FAAH2: variants seen among roughly 807,000 people sequenced by gnomAD.
FAAH2 encodes fatty-acid amide hydrolase 2.
A neutral mutation model predicts 36.9 loss-of-function variants in FAAH2; 60 were observed. The ratio of observed to expected loss-of-function variants is 1.63; its 90% CI spans 1.32 to 2.02. The LOEUF (loss-of-function observed/expected upper bound fraction) is 2.02. Among genes scored for constraint, FAAH2 ranks in the 30% most tolerant of loss-of-function variants. The probability of loss-of-function intolerance (pLI) is 0.00; values close to 1 mark genes in which losing one functional copy is unlikely to be tolerated. For synonymous variants in FAAH2, 214 were observed against 143.8 expected, an observed-to-expected ratio of 1.49 and a Z score of -3.49; for missense variants, 689 against 397.5, an observed-to-expected ratio of 1.73 and a Z score of -6.23.
At chrX:57,468,933 G>C (rs1282511423) in intron 10 of FAAH2, among the ~76,000 whole-genome samples, 3 of 111,826 alleles carry the variant, frequency 2.7e-5, no homozygotes, top group Middle Eastern at 4.7e-3. Context: ...AAGAGAGTGG[G>C]GGCCAATTTT....
intron 7 of FAAH2, among the ~76,000 whole-genome samples, chrX:57,421,952 A>T (rs1209890584): frequency 8.9e-6 from 1 of 112,059 alleles, no homozygotes; most frequent in Non-Finnish European, 1.9e-5. Context: ...TGTAAGGAAA[A>T]GGCAAAGTCC....
At chrX:57,199,070 A>G in the FAAH2 span, among the ~76,000 whole-genome samples, 8 of 106,905 alleles carry the variant, frequency 7.5e-5, no homozygotes, top group African/African-American at 2.7e-4. Context: ...GTGAGTCTCC[A>G]CACACTCTTC....
intron 8 of FAAH2, among the ~76,000 whole-genome samples, chrX:57,432,763 C>A (rs1442714037): frequency 1.8e-5 from 2 of 111,418 alleles, no homozygotes; most frequent in Middle Eastern, 9.2e-3. Context: ...TAGAGCATGA[C>A]ACATCCAAAT....
the FAAH2 span, among the ~76,000 whole-genome samples, chrX:57,209,715 G>A: frequency 8.3e-3 from 929 of 111,436 alleles, 1 homozygote; most frequent in Non-Finnish European, 0.012. Flanking sequence ...TGCGCCACCT[G>A]CAAATCCACT....
chrX:57,162,706 C>T, the FAAH2 span, among the ~76,000 whole-genome samples: 1 of 112,161 alleles, frequency 8.9e-6, no homozygotes, highest in Non-Finnish European at 1.9e-5. Flanking sequence ...TGGTTTTCAG[C>T]TCCATCAGCT....
the FAAH2 span, among the ~76,000 whole-genome samples, chrX:57,255,589 G>A: frequency 1.8e-5 from 2 of 111,845 alleles, no homozygotes; most frequent in Non-Finnish European, 3.8e-5. Context: ...AATAAAGTAG[G>A]CTTCATTCCT....
chrX:57,334,268 T>TCTCACACACACACACACACACACA (rs753282666), intron 4 of FAAH2, among the ~76,000 whole-genome samples: 4 of 85,726 alleles, frequency 4.7e-5, no homozygotes, highest in East Asian at 4.0e-4. Context: ...AGATTCCGTC[T>TCTCACACACACACACACACACACA]CACACACACA....
intron 10 of FAAH2, among the ~76,000 whole-genome samples, chrX:57,472,177 G>A (rs1221342422): frequency 8.9e-6 from 1 of 111,761 alleles, no homozygotes; most frequent in African/African-American, 3.2e-5. Flanking sequence ...CAAGACATAG[G>A]CATGGGCAAG....
At chrX:57,436,998 C>T (rs1355338849) in intron 8 of FAAH2, among the ~76,000 whole-genome samples, 5 of 110,531 alleles carry the variant, frequency 4.5e-5, no homozygotes, top group Admixed American at 1.9e-4. Flanking sequence ...TACTAGAAAA[C>T]CAAATTCAAC....
intron 1 of FAAH2, among the ~76,000 whole-genome samples, chrX:57,288,011 G>C (rs1170221216): frequency 9.0e-6 from 1 of 111,352 alleles, no homozygotes; most frequent in East Asian, 2.8e-4. Flanking sequence ...TTTTCTACCA[G>C]TTAGGGAGGC....
At chrX:57,424,689 C>T (rs1275298886) in intron 7 of FAAH2, among the ~76,000 whole-genome samples, 2 of 112,258 alleles carry the variant, frequency 1.8e-5, no homozygotes, top group Non-Finnish European at 3.8e-5. Context: ...AACAACCCTA[C>T]TCAACAAACA....
chrX:57,413,899 G>A (rs1392117316), intron 7 of FAAH2, among the ~76,000 whole-genome samples: 2 of 111,489 alleles, frequency 1.8e-5, no homozygotes, highest in Non-Finnish European at 3.8e-5. Context: ...GCAGTGATTT[G>A]TAGTTCTCCT....
intron 5 of FAAH2, among the ~76,000 whole-genome samples, chrX:57,346,309 G>T (rs147983889): frequency 0.011 from 1,221 of 111,249 alleles, 13 homozygotes; most frequent in African/African-American, 0.038. Flanking sequence ...CTCCAAATTG[G>T]GTGCATGTAT....
chrX:57,231,066 T>TGTGTGTGTGTGAGA, the FAAH2 span, among the ~76,000 whole-genome samples: 2 of 108,410 alleles, frequency 1.8e-5, no homozygotes, highest in African/African-American at 6.8e-5. Context: ...TGTGTGTGTG[T>TGTGTGTGTGTGAGA]GAGTGTGTGT....
At chrX:57,434,796 G>A (rs1354130143) in intron 8 of FAAH2, among the ~76,000 whole-genome samples, 1 of 111,133 alleles carries the variant, frequency 9.0e-6, no homozygotes. Flanking sequence ...AGCAATCCAA[G>A]ACAAATACAT....
intron 5 of FAAH2, among the ~76,000 whole-genome samples, chrX:57,344,832 A>G (rs1383582417): frequency 9.0e-6 from 1 of 111,602 alleles, no homozygotes; most frequent in East Asian, 2.8e-4. Context: ...TTCTGAATCT[A>G]TTGAGATGAT....
chrX:57,452,301 TTA>T, intron 10 of FAAH2: 2 of 754,712 alleles, frequency 2.7e-6, no homozygotes, highest in Non-Finnish European at 3.1e-6. Context: ...AACTCAAGAT[TTA>T]TATGTCAGGT....
intron 4 of FAAH2, among the ~76,000 whole-genome samples, chrX:57,339,468 G>A (rs955378287): frequency 2.7e-5 from 3 of 111,864 alleles, no homozygotes; most frequent in Non-Finnish European, 5.6e-5. Flanking sequence ...TCATCAGAGT[G>A]AACAGACAAC....
chrX:57,420,021 A>G (rs1423495080), intron 7 of FAAH2, among the ~76,000 whole-genome samples: 1 of 111,706 alleles, frequency 9.0e-6, no homozygotes, highest in African/African-American at 3.3e-5. Context: ...CAAAGATCAG[A>G]TAGTTGTAGA....
Sources: gnomAD v4.1 joint callset for allele counts (sites outside exome capture counted in the v4.1 genomes callset) on GRCh38, gnomAD v4.1.1 for gene constraint, MANE v1.5 for transcripts, NCBI Gene and HGNC (gene_info 2026-07-23, HGNC 2026-07-21) for gene names.